Variants in ATP6V1H observed in about 807,000 individuals in gnomAD.
ATP6V1H encodes V-type proton ATPase subunit H.
In ATP6V1H, 39 loss-of-function variants were observed where a neutral mutation model predicts 71.7. That is an observed-to-expected ratio of 0.54 (90% CI 0.42 to 0.71). The LOEUF (loss-of-function observed/expected upper bound fraction) is 0.71. Among genes scored for constraint, ATP6V1H ranks in the 30% least tolerant of loss-of-function variants. The pLI is 0.00. For missense variants in ATP6V1H, 509 were observed against 594.9 expected (o/e 0.86, Z 1.50); for synonymous variants, 192 against 199.3 (o/e 0.96, Z 0.31).
Position 53,795,718 on chromosome 8 carries a change from G to C in ATP6V1H, c.799C>G (p.Pro267Ala), listed in dbSNP as rs754768890. 6 of 1,613,964 alleles carry C rather than the reference G, an allele frequency of 3.7e-6. No homozygotes were observed. The highest frequency in any genetic ancestry group is 3.3e-5 in the South Asian group (3 of 91,042). The change falls in exon 9 of 14, where the codon CCA becomes GCA. Residue 267 changes from proline to alanine, a missense_variant. By Grantham distance (27) the Pro-to-Ala change is conservative. Around this residue, in one of 2 missense-constraint regions of ATP6V1H, gnomAD observed 212 missense variants for 291.6 expected, o/e 0.73. Transcript: ENST00000359530. Reference protein sequence around the residue: ...CEHLRRYNIIPVLSDILQESV... With the variant: ...CEHLRRYNIIAVLSDILQESV... Reference sequence around the variant, plus strand: ...TCCTGAAGGATATCAGACAGAACTGGAATGATATTATAGCGCCGCAGGTGT... The same window carrying C: ...TCCTGAAGGATATCAGACAGAACTGCAATGATATTATAGCGCCGCAGGTGT...
At chr8:53,717,210 T>G (rs1183312600) in intron 13 of ATP6V1H, among the ~76,000 whole-genome samples, 1 of 152,122 alleles carries the variant, frequency 6.6e-6, no homozygotes, top group African/African-American at 2.4e-5. Flanking sequence ...TGAGCTGCTC[T>G]CCCCCTGCTA....
At chr8:53,838,833 C>A (rs150142678) in intron 2 of ATP6V1H, among the ~76,000 whole-genome samples, 1 of 152,132 alleles carries the variant, frequency 6.6e-6, no homozygotes, top group South Asian at 2.1e-4. Context: ...CACTGGGGGA[C>A]GCTTCCACAG....
At chr8:53,743,497 C>T in intron 13 of ATP6V1H, 80 bp downstream of exon 13, 2 of 955,982 alleles carry the variant, frequency 2.1e-6, no homozygotes, top group Non-Finnish European at 3.3e-6. Context: ...TCATTCAAAG[C>T]ATTTGCATAA....
chr8:53,785,177 A>G (rs1297604570), intron 9 of ATP6V1H, among the ~76,000 whole-genome samples: 1 of 151,960 alleles, frequency 6.6e-6, no homozygotes, highest in Non-Finnish European at 1.5e-5. Context: ...AGGTACACCA[A>G]TCAGACGCAG....
intron 13 of ATP6V1H, among the ~76,000 whole-genome samples, chr8:53,737,743 A>G (rs760278041): frequency 6.6e-5 from 10 of 152,242 alleles, no homozygotes; most frequent in Non-Finnish European, 1.5e-4. Flanking sequence ...ATCTAAGAGG[A>G]TTTAGATTTA....
chr8:53,719,528 G>A (rs1252651704), intron 13 of ATP6V1H, among the ~76,000 whole-genome samples: 6 of 152,188 alleles, frequency 3.9e-5, no homozygotes, highest in Admixed American at 2.0e-4. Context: ...ACATTCCCAA[G>A]ACTGGGGGAC....
At chr8:53,730,035 G>C (rs992616207) in intron 13 of ATP6V1H, among the ~76,000 whole-genome samples, 1 of 152,212 alleles carries the variant, frequency 6.6e-6, no homozygotes, top group Non-Finnish European at 1.5e-5. Flanking sequence ...TATGCCTCTA[G>C]AGCAATCATG....
chr8:53,746,794 C>T (rs1315348462), intron 12 of ATP6V1H, among the ~76,000 whole-genome samples: 1 of 152,006 alleles, frequency 6.6e-6, no homozygotes, highest in African/African-American at 2.4e-5. Context: ...AGAAAAGAAT[C>T]TTTCCAGCTG....
chr8:53,827,359 G>T (rs1810857107), intron 4 of ATP6V1H, among the ~76,000 whole-genome samples: 1 of 151,270 alleles, frequency 6.6e-6, no homozygotes, highest in South Asian at 2.1e-4. Context: ...CTCCAGCATG[G>T]GTAACAGAGC....
At chr8:53,775,257 C>T (rs1411732484) in intron 9 of ATP6V1H, among the ~76,000 whole-genome samples, 2 of 152,058 alleles carry the variant, frequency 1.3e-5, no homozygotes, top group Admixed American at 6.5e-5. Flanking sequence ...CAGACCTCCA[C>T]GGTATTACAG....
Position 53,805,208 on chromosome 8 carries a change from A to G in ATP6V1H, c.580-3312T>C, listed in dbSNP as rs149908493. ...CCGTATTCATCTACATTCTGGAATT[A>G]TCCGCACTTGAGAAAACAAGTCTGC... is the stretch of plus-strand genomic sequence containing the variant. On this transcript the variant is annotated intron_variant, in intron 7 of 13. Coordinates refer to ENST00000359530, the MANE Select transcript of ATP6V1H (RefSeq NM_015941.4). Among the ~76,000 whole-genome samples the G allele has an allele frequency of 2.2e-3, 336 of 152,352 alleles. 2 individuals are homozygous for G. Among genetic ancestry groups the G allele is most frequent in the African/African-American group, 7.8e-3 (325 of 41,578 alleles).
chr8:53,795,735 C>T lies in ATP6V1H; in HGVS notation c.782G>A (p.Arg261Gln). The T allele has an allele frequency of 1.2e-6, 2 of 1,613,882 alleles. No individual in the cohort carries two copies. Among genetic ancestry groups the T allele is most frequent in the Middle Eastern group, 1.6e-4 (1 of 6,062 alleles). The stretch of plus-strand genomic sequence containing the variant: ...CAGAACTGGAATGATATTATAGCGC[C>T]GCAGGTGTTCACACATTTGAGGACT... Reference protein sequence around the residue: ...AFSPQMCEHLRRYNIIPVLSD... With the variant: ...AFSPQMCEHLQRYNIIPVLSD... Residue 261 changes from arginine to glutamine, a missense_variant, in exon 9 of 14, where the codon CGG becomes CAG. This residue lies in a region of ATP6V1H where 212 missense variants were observed against 291.6 expected (regional missense o/e 0.73). Transcript: ENST00000359530.
chr8:53,809,983 G>A (rs1810220505), intron 7 of ATP6V1H, among the ~76,000 whole-genome samples: 1 of 152,088 alleles, frequency 6.6e-6, no homozygotes, highest in Admixed American at 6.6e-5. Context: ...TTCAACCCAT[G>A]CTCCAAGAGA....
chr8:53,802,286 A>T (rs1809935934), intron 7 of ATP6V1H, among the ~76,000 whole-genome samples: 1 of 152,252 alleles, frequency 6.6e-6, no homozygotes. Context: ...AATAAAATTA[A>T]CAAAAAGAAG....
intron 12 of ATP6V1H, among the ~76,000 whole-genome samples, chr8:53,745,903 C>T (rs1807586143): frequency 6.6e-6 from 1 of 152,174 alleles, no homozygotes; most frequent in African/African-American, 2.4e-5. Context: ...ACTACAAAAG[C>T]GCCTCTAGTA....
chr8:53,808,329 GAA>G (rs1324068201), intron 7 of ATP6V1H, among the ~76,000 whole-genome samples: 2 of 152,190 alleles, frequency 1.3e-5, no homozygotes, highest in Non-Finnish European at 2.9e-5. Context: ...TTCCTCAGAA[GAA>G]AAGACTTACA....
At chr8:53,832,820 TAA>T in intron 3 of ATP6V1H, 162 bp downstream of exon 3, 1 of 449,920 alleles carries the variant, frequency 2.2e-6, no homozygotes. Flanking sequence ...GTGTATATTC[TAA>T]GAAAATATTC....
intron 2 of ATP6V1H, 88 bp from the exon 3 acceptor site, chr8:53,833,174 C>T (rs1811062977): frequency 9.7e-7 from 1 of 1,030,722 alleles, no homozygotes; most frequent in African/African-American, 1.6e-5. Flanking sequence ...CTCTTCTCTC[C>T]TTGGCAGCAA....
At chr8:53,816,153 C>A (rs1810441753) in intron 5 of ATP6V1H, among the ~76,000 whole-genome samples, 1 of 152,082 alleles carries the variant, frequency 6.6e-6, no homozygotes, top group Admixed American at 6.6e-5. Flanking sequence ...ATAGATATTT[C>A]ATAATGTCCA....
Sources: gnomAD v4.1 joint callset for allele counts (sites outside exome capture counted in the v4.1 genomes callset) on GRCh38, gnomAD v4.1.1 for gene constraint, gnomAD v4.1.1 regional missense constraint, MANE v1.5 for transcripts, NCBI Gene and HGNC (gene_info 2026-07-23, HGNC 2026-07-21) for gene names.